The following EVI5 variants were observed in gnomAD, a reference collection of about 807,000 sequenced individuals.
EVI5 encodes the protein ecotropic viral integration site 5 protein homolog.
EVI5 carries 73 observed loss-of-function variants against 112.0 expected under a neutral mutation model. The observed-to-expected ratio is 0.65, with a 90% CI of 0.54 to 0.79. The LOEUF (loss-of-function observed/expected upper bound fraction) is 0.79. EVI5 is among the 30% of genes least tolerant of loss of function. The pLI, the probability that EVI5 is intolerant of heterozygous loss-of-function variation, is 0.00. For missense variants in EVI5, 900 were observed against 968.8 expected, an observed-to-expected ratio of 0.93 and a Z score of 0.94; for synonymous variants, 305 against 319.9, an observed-to-expected ratio of 0.95 and a Z score of 0.50.
intron 19 of EVI5, among the ~76,000 whole-genome samples, chr1:92,516,757 C>T (rs1571261503): frequency 6.6e-6 from 1 of 152,148 alleles, no homozygotes; most frequent in Non-Finnish European, 1.5e-5. Context: ...CTCTAAAGTG[C>T]AGTCCTGGCT....
At chr1:92,635,264 C>A (rs1212747625) in intron 14 of EVI5, among the ~76,000 whole-genome samples, 1 of 152,214 alleles carries the variant, frequency 6.6e-6, no homozygotes, top group East Asian at 1.9e-4. Context: ...ATTCGCTATG[C>A]CCTGCCCCCG....
At chr1:92,669,547 C>CTAAAAAAAAAAAAAAAAAAAAA in intron 10 of EVI5, among the ~76,000 whole-genome samples, 1 of 51,810 alleles carries the variant, frequency 1.9e-5, no homozygotes. Context: ...GGCTCTGTCT[C>CTAAAAAAAAAAAAAAAAAAAAA]AAAAAAAAAA....
chr1:92,638,207 T>TA (rs1303666049), intron 13 of EVI5, among the ~76,000 whole-genome samples: 3 of 152,142 alleles, frequency 2.0e-5, no homozygotes, highest in African/African-American at 7.2e-5. Flanking sequence ...TTGATTGGCA[T>TA]AAACCAACTA....
chr1:92,774,057 TAC>T (rs935468128), intron 1 of EVI5: 6 of 151,846 alleles, frequency 4.0e-5, no homozygotes, highest in African/African-American at 1.5e-4. Context: ...AAAAAAAACT[TAC>T]AAATTATTTC....
chr1:92,645,643 C>G (rs955707847), intron 13 of EVI5, among the ~76,000 whole-genome samples: 2 of 152,184 alleles, frequency 1.3e-5, no homozygotes, highest in African/African-American at 4.8e-5. Context: ...TATGTCTGCT[C>G]TACTCTGGCA....
At chr1:92,721,057 G>C (rs1202913909) in intron 2 of EVI5, among the ~76,000 whole-genome samples, 3 of 152,174 alleles carry the variant, frequency 2.0e-5, no homozygotes, top group South Asian at 4.1e-4. Context: ...GGAGAAATAG[G>C]AATGCTTTTA....
rs950577189 is a variant in EVI5, at chr1:92,736,260, C to A, written c.149+138G>T. 1.8e-5 allele frequency: 11 copies of A among 609,836 alleles called. No homozygotes were observed. In the African/African-American group the frequency reaches 2.0e-4, roughly 11 times the overall value. The allele number at this position is 609,836 out of a possible 1,614,324, so 37.8% of individuals were successfully genotyped here. A position where few individuals can be genotyped will look rare whatever the true frequency, so the allele number is the denominator to read the frequency against. On this transcript the variant is annotated intron_variant, in intron 2 of 19. Transcript: ENST00000684568. ...AGTCTCTTTTAAGACCAATCTCCCC[C>A]CAAAAAAGATGAACACTTCTGTAAA...
At chr1:92,585,093 A>G (rs1019606701) in intron 18 of EVI5, among the ~76,000 whole-genome samples, 1 of 151,960 alleles carries the variant, frequency 6.6e-6, no homozygotes, top group African/African-American at 2.4e-5. Flanking sequence ...GTGTGGTAGC[A>G]GTCACCTGTA....
At chr1:92,551,043 T>TTTC (rs1553178848) in intron 19 of EVI5, among the ~76,000 whole-genome samples, 20 of 86,244 alleles carry the variant, frequency 2.3e-4, no homozygotes, top group Middle Eastern at 6.0e-3. Flanking sequence ...TTTCTTTCTT[T>TTTC]TTTTTTTTTT....
rs577942428 is a variant in EVI5, at chr1:92,575,549, G to A, written c.2071-11812C>T. The stretch of plus-strand genomic sequence containing the variant: ...CTTTAGCCTCTTTTAATCTACAAGA[G>A]TCCCTGTGCCTTTTTTTTTTTTTTT... On this transcript the variant is annotated intron_variant, in intron 18 of 19. Transcript: ENST00000684568. Among the ~76,000 whole-genome samples, 3 of 135,438 alleles carry A rather than the reference G, an allele frequency of 2.2e-5. No individual in the cohort carries two copies. The Admixed American group carries it at 2.3e-4, about 11-fold the overall frequency. The allele number at this position is 135,438 out of a possible 152,430, so 88.9% of individuals were successfully genotyped here. A position where few individuals can be genotyped will look rare whatever the true frequency, so the allele number is the denominator to read the frequency against.
chr1:92,636,326 C>A lies in EVI5; in HGVS notation c.1403G>T (p.Ser468Ile). ...LQHQQQWHKC[S>I]SNYNEDFVLQ... The stretch of plus-strand genomic sequence containing the variant: ...CACAAAATCTTCGTTGTAGTTGGAA[C>A]TGCATTTATGCTAAAGGTTACAGAC... The change falls in exon 14 of 20, where the codon AGT (serine) becomes ATT (isoleucine). Residue 468 changes from serine to isoleucine, a missense_variant. By Grantham distance (142) the Ser-to-Ile change is moderately radical. Transcript: ENST00000684568. 6.2e-7 allele frequency: 1 copy of A among 1,613,588 alleles called. No homozygotes were observed. The highest frequency in any genetic ancestry group is 1.1e-5 in the South Asian group (1 of 91,018).
At chr1:92,716,607 G>A (rs1020399383) in intron 2 of EVI5, among the ~76,000 whole-genome samples, 2 of 151,422 alleles carry the variant, frequency 1.3e-5, no homozygotes. Flanking sequence ...AACAAAGCTG[G>A]ATGGAGAATG....
At chr1:92,665,219 G>A (rs527454224) in intron 11 of EVI5, among the ~76,000 whole-genome samples, 43 of 151,872 alleles carry the variant, frequency 2.8e-4, no homozygotes, top group African/African-American at 1.0e-3. Context: ...AAATAAAAAA[G>A]AAAAAGAAAA....
At chr1:92,663,171 A>C (rs963248397) in intron 12 of EVI5, among the ~76,000 whole-genome samples, 8 of 152,236 alleles carry the variant, frequency 5.3e-5, no homozygotes, top group African/African-American at 9.6e-5. Context: ...ATTTCACAGA[A>C]TCCACTTATT....
At chr1:92,563,870 A>C in intron 18 of EVI5, 133 bp from the exon 19 acceptor site, 10 of 476,452 alleles carry the variant, frequency 2.1e-5, no homozygotes, top group Admixed American at 3.5e-5. Context: ...ATCCATTCTC[A>C]AACTACCTCT....
chr1:92,648,436 T>C (rs552720115), intron 13 of EVI5, among the ~76,000 whole-genome samples: 1 of 152,044 alleles, frequency 6.6e-6, no homozygotes, highest in South Asian at 2.1e-4. Flanking sequence ...CAGTGTCTTA[T>C]AGTATATTAA....
chr1:92,784,529 G>A, intron 1 of EVI5: 1 of 660,720 alleles, frequency 1.5e-6, no homozygotes, highest in South Asian at 7.2e-5. Flanking sequence ...CGGGATTTAC[G>A]AGGACGTGCC....
intron 10 of EVI5, among the ~76,000 whole-genome samples, chr1:92,666,362 AAC>A (rs375141640): frequency 2.0e-5 from 3 of 150,724 alleles, no homozygotes; most frequent in Non-Finnish European, 3.0e-5. Flanking sequence ...CTCTATGAAA[AAC>A]ACACACACAC....
chr1:92,605,323 G>A lies in EVI5; in HGVS notation c.2054C>T (p.Ala685Val). 1 of 1,609,756 alleles carries A rather than the reference G, an allele frequency of 6.2e-7. No homozygotes were observed. The highest frequency in any genetic ancestry group is 8.5e-7 in the Non-Finnish European group (1 of 1,176,208). Residue 685 changes from alanine to valine, a missense_variant, in exon 18 of 20, where the codon GCT (alanine) becomes GTT (valine). By Grantham distance (64) the Ala-to-Val change is moderately conservative (BLOSUM62 0). Transcript: ENST00000684568. ...AAVAELRQHI[A>V]ELEIQKEEGK... ...ATATGGTACCTGGATTTCAAGCTCAGCAATGTGTTGTCGTAGTTCAGCCAC... is the reference window on the plus strand; with the variant it reads ...ATATGGTACCTGGATTTCAAGCTCAACAATGTGTTGTCGTAGTTCAGCCAC...
Sources: gnomAD v4.1 joint callset for allele counts (sites outside exome capture counted in the v4.1 genomes callset) on GRCh38, gnomAD v4.1.1 for gene constraint, MANE v1.5 for transcripts, NCBI Gene and HGNC (gene_info 2026-07-23, HGNC 2026-07-21) for gene names.